The following ACOT12 variants were observed in gnomAD, a reference collection of about 807,000 sequenced individuals.
ACOT12 encodes the protein acetyl-coenzyme A thioesterase.
ACOT12 carries 51 observed loss-of-function variants against 67.7 expected under a neutral mutation model. The ratio of observed to expected loss-of-function variants is 0.75; its 90% CI spans 0.60 to 0.95. The LOEUF (loss-of-function observed/expected upper bound fraction) is 0.95, where lower values mean the gene tolerates loss of function less well. Ranked by LOEUF, ACOT12 falls within the 40% of genes least tolerant of loss-of-function variation. ACOT12 has a pLI of 0.00. For missense variants in ACOT12, 734 were observed against 708.1 expected (o/e 1.04, Z -0.41); for synonymous variants, 251 against 244.6 (o/e 1.03, Z -0.24).
intron 11 of ACOT12, among the ~76,000 whole-genome samples, chr5:81,336,844 T>C (rs1453544595): frequency 1.3e-5 from 2 of 152,142 alleles, no homozygotes; most frequent in African/African-American, 4.8e-5. Flanking sequence ...AAGGCTTTAT[T>C]TAAACATAAA....
chr5:81,338,804 C>A (rs1055337789), intron 11 of ACOT12, among the ~76,000 whole-genome samples: 1 of 152,090 alleles, frequency 6.6e-6, no homozygotes, highest in Non-Finnish European at 1.5e-5. Context: ...ATGTCTTATA[C>A]AAATAGTATA....
At chr5:81,308,844 G>A in the ACOT12 span, 8 of 1,380,996 alleles carry the variant, frequency 5.8e-6, no homozygotes, top group African/African-American at 7.3e-5. Context: ...TAAATTTTAA[G>A]TTATGTAAAT....
intron 4 of ACOT12, among the ~76,000 whole-genome samples, chr5:81,362,967 A>G (rs1373378564): frequency 6.6e-6 from 1 of 152,142 alleles, no homozygotes; most frequent in African/African-American, 2.4e-5. Flanking sequence ...ACTTTGGGAG[A>G]TCAAGGCAGG....
At chr5:81,320,785 T>G in the ACOT12 span, among the ~76,000 whole-genome samples, 1 of 152,220 alleles carries the variant, frequency 6.6e-6, no homozygotes, top group Admixed American at 6.5e-5. Flanking sequence ...TAAACAAGTA[T>G]GCTTTGTGTT....
chr5:81,337,181 C>T (rs13157241), intron 11 of ACOT12, among the ~76,000 whole-genome samples: 48,489 of 152,052 alleles, frequency 0.32, 8,202 homozygotes, highest in Non-Finnish European at 0.38. Context: ...GTCATCCAAT[C>T]GGTGGTTGGT....
At chr5:81,308,984 A>G in the ACOT12 span, 7 of 1,613,564 alleles carry the variant, frequency 4.3e-6, no homozygotes, top group Non-Finnish European at 5.9e-6. Context: ...TTGTGGAGAA[A>G]TGGGGCACCT....
At chr5:81,332,751 G>C in intron 12 of ACOT12, 146 bp from the exon 13 acceptor site, 1 of 942,054 alleles carries the variant, frequency 1.1e-6, no homozygotes, top group South Asian at 1.6e-5. Flanking sequence ...CAGCATTATT[G>C]CTCAAGTCTG....
Position 81,344,175 on chromosome 5 carries a change from C to G in ACOT12, c.965G>C (p.Arg322Pro). Residue 322 changes from arginine to proline, a missense_variant, in exon 9 of 15, where the codon CGA becomes CCA. Transcript: ENST00000307624. ...TGTTCCTTACCTGCCTAGGCGAATTCGCTTGCGTGCAATAGCTCCCCGATA... is the reference window on the plus strand; with the variant it reads ...TGTTCCTTACCTGCCTAGGCGAATTGGCTTGCGTGCAATAGCTCCCCGATA... ...RRYRGAIARK[R>P]IRLGRKYVIS... 1 of 1,613,696 alleles carries G rather than the reference C, an allele frequency of 6.2e-7. No individual in the cohort carries two copies. Among genetic ancestry groups the G allele is most frequent in the African/African-American group, 1.3e-5 (1 of 75,038 alleles).
At chr5:81,353,407 G>A (rs972242310) in intron 5 of ACOT12, among the ~76,000 whole-genome samples, 1 of 152,124 alleles carries the variant, frequency 6.6e-6, no homozygotes, top group Non-Finnish European at 1.5e-5. Context: ...AGTTCAATAC[G>A]TGTACTTTGG....
At chr5:81,340,382 G>A (rs567767424) in intron 11 of ACOT12, among the ~76,000 whole-genome samples, 8 of 141,632 alleles carry the variant, frequency 5.6e-5, no homozygotes, top group African/African-American at 1.6e-4. Flanking sequence ...GTTTTTTTGA[G>A]ATGGAGTCTC....
chr5:81,318,830 T>C, the ACOT12 span, among the ~76,000 whole-genome samples: 1 of 152,204 alleles, frequency 6.6e-6, no homozygotes, highest in Non-Finnish European at 1.5e-5. Context: ...CTGTTTGCAC[T>C]AAATAAGTGC....
At chr5:81,336,282 C>G (rs1460036850) in intron 11 of ACOT12, among the ~76,000 whole-genome samples, 3 of 152,158 alleles carry the variant, frequency 2.0e-5, no homozygotes, top group Non-Finnish European at 4.4e-5. Flanking sequence ...AGCACCTCAT[C>G]TCCCTCAAAA....
chr5:81,331,467 G>A (rs1279908870), intron 13 of ACOT12, among the ~76,000 whole-genome samples: 1 of 152,200 alleles, frequency 6.6e-6, no homozygotes, highest in Non-Finnish European at 1.5e-5. Context: ...AACCCGGGAG[G>A]CAGAAGTTGC....
chr5:81,308,866 T>C, the ACOT12 span: 1 of 1,405,852 alleles, frequency 7.1e-7, no homozygotes. Context: ...TATTTTTTAT[T>C]CAGAGTATTT....
the ACOT12 span, chr5:81,308,671 C>T: frequency 2.1e-5 from 34 of 1,613,108 alleles, no homozygotes; most frequent in Admixed American, 3.3e-5. Flanking sequence ...CCACAGAGCA[C>T]GAAATAACCA....
chr5:81,332,574 C>T lies in ACOT12; in HGVS notation c.1294G>A (p.Asp432Asn), dbSNP rs1279383093. 5 of 1,614,108 alleles carry T rather than the reference C, an allele frequency of 3.1e-6. No individual in the cohort carries two copies. The highest frequency in any genetic ancestry group is 4.2e-6 in the Non-Finnish European group (5 of 1,180,004). The change falls in exon 13 of 15, where the codon GAT (aspartate) becomes AAT (asparagine). Residue 432 changes from aspartate (D) to asparagine (N), a missense_variant. Coordinates refer to ENST00000307624, the MANE Select transcript of ACOT12 (RefSeq NM_130767.3). Reference sequence around the variant, plus strand: ...CAGGTGATGTGATACAGCTGATCATCTTCACTCACCCAGTCTATGACTTCA... The same window carrying T: ...CAGGTGATGTGATACAGCTGATCATTTTCACTCACCCAGTCTATGACTTCA... ...SCEVIDWVSE[D>N]DQLYHITCPI...
chr5:81,344,025 TCA>T, intron 9 of ACOT12, 133 bp downstream of exon 9: 1 of 1,232,946 alleles, frequency 8.1e-7, no homozygotes, highest in Non-Finnish European at 1.2e-6. Context: ...AAGTCAGTAG[TCA>T]GCCTTTGCGG....
intron 3 of ACOT12, among the ~76,000 whole-genome samples, chr5:81,370,340 G>A (rs1760211239): frequency 6.6e-6 from 1 of 152,150 alleles, no homozygotes; most frequent in Non-Finnish European, 1.5e-5. Flanking sequence ...CCAATGGCAT[G>A]GTTACTGTCA....
intron 3 of ACOT12, among the ~76,000 whole-genome samples, chr5:81,368,676 A>C (rs1406828269): frequency 6.6e-6 from 1 of 152,044 alleles, no homozygotes; most frequent in Non-Finnish European, 1.5e-5. Context: ...AGAAAATTTT[A>C]CGATCTTAAA....
Sources: gnomAD v4.1 joint callset for allele counts (sites outside exome capture counted in the v4.1 genomes callset) on GRCh38, gnomAD v4.1.1 for gene constraint, MANE v1.5 for transcripts, NCBI Gene and HGNC (gene_info 2026-07-23, HGNC 2026-07-21) for gene names.